The following CNTN4 variants were observed in gnomAD, a reference collection of about 807,000 sequenced individuals.
The protein encoded by CNTN4 is contactin-4.
Under a neutral mutation model 122.5 loss-of-function variants are expected in CNTN4, and 77 were observed. That is an observed-to-expected ratio of 0.63 (90% CI 0.52 to 0.76). CNTN4 has a LOEUF of 0.76. Among genes scored for constraint, CNTN4 ranks in the 30% least tolerant of loss-of-function variants. The pLI, the probability that CNTN4 is intolerant of heterozygous loss-of-function variation, is 0.00. For missense variants in CNTN4, 1,256 were observed against 1,259.1 expected, an observed-to-expected ratio of 1.00 and a Z score of 0.04; for synonymous variants, 512 against 447.0, an observed-to-expected ratio of 1.15 and a Z score of -1.83.
chr3:2,754,998 G>GGTGGTA (rs2090267960), intron 6 of CNTN4, among the ~76,000 whole-genome samples: 1 of 152,136 alleles, frequency 6.6e-6, no homozygotes, highest in Non-Finnish European at 1.5e-5. Context: ...TAATGATGGT[G>GGTGGTA]GTGGTAGTGG....
At chr3:2,482,756 C>T (rs992351173) in intron 3 of CNTN4, among the ~76,000 whole-genome samples, 1 of 152,224 alleles carries the variant, frequency 6.6e-6, no homozygotes, top group Admixed American at 6.5e-5. Flanking sequence ...AGGCAGCTTC[C>T]ACATGGTGTT....
At chr3:2,109,354 A>G (rs906245981) in intron 2 of CNTN4, among the ~76,000 whole-genome samples, 3 of 152,152 alleles carry the variant, frequency 2.0e-5, no homozygotes, top group Non-Finnish European at 4.4e-5. Flanking sequence ...TCACTACTCC[A>G]TTATTAATCA....
At chr3:2,906,601 G>A (rs188972433) in intron 12 of CNTN4, among the ~76,000 whole-genome samples, 2 of 152,060 alleles carry the variant, frequency 1.3e-5, no homozygotes, top group Admixed American at 6.5e-5. Context: ...ACTTTGGGAG[G>A]CCGAGGCAGG....
chr3:2,442,412 C>A (rs913981983), intron 3 of CNTN4, among the ~76,000 whole-genome samples: 10 of 151,996 alleles, frequency 6.6e-5, no homozygotes, highest in African/African-American at 2.4e-4. Flanking sequence ...GAAGAAAGTC[C>A]AGATCTTGGC....
At chr3:2,886,674 G>A (rs1358507079) in intron 9 of CNTN4, among the ~76,000 whole-genome samples, 1 of 151,518 alleles carries the variant, frequency 6.6e-6, no homozygotes, top group East Asian at 2.0e-4. Flanking sequence ...ACCATGCCCG[G>A]GTAATTTTTT....
chr3:2,620,504 AAT>A (rs201945554), intron 4 of CNTN4, among the ~76,000 whole-genome samples: 2 of 151,354 alleles, frequency 1.3e-5, no homozygotes, highest in Admixed American at 6.6e-5. Flanking sequence ...TGTATCCAAA[AAT>A]ATATATATAT....
intron 7 of CNTN4, among the ~76,000 whole-genome samples, chr3:2,854,073 G>A (rs933664623): frequency 1.3e-5 from 2 of 152,066 alleles, no homozygotes; most frequent in Non-Finnish European, 2.9e-5. Context: ...GCCAGTGATG[G>A]TCTTTTTTGT....
At chr3:2,328,305 C>T (rs1269067839) in intron 2 of CNTN4, among the ~76,000 whole-genome samples, 8 of 150,372 alleles carry the variant, frequency 5.3e-5, no homozygotes, top group African/African-American at 1.9e-4. Context: ...ACTCGGGAGG[C>T]TGAGGCAGGA....
At chr3:2,225,000 A>G (rs1441879301) in intron 2 of CNTN4, among the ~76,000 whole-genome samples, 1 of 151,498 alleles carries the variant, frequency 6.6e-6, no homozygotes, top group African/African-American at 2.4e-5. Context: ...AAATACAAAA[A>G]TTAGCCGGTT....
chr3:2,698,515 C>T (rs1005544929), intron 4 of CNTN4, among the ~76,000 whole-genome samples: 1 of 152,134 alleles, frequency 6.6e-6, no homozygotes, highest in Admixed American at 6.6e-5. Context: ...AAATAGGAAG[C>T]TGTTCTCTGT....
At chr3:2,727,879 A>G (rs1264735378) in intron 4 of CNTN4, among the ~76,000 whole-genome samples, 1 of 152,216 alleles carries the variant, frequency 6.6e-6, no homozygotes, top group African/African-American at 2.4e-5. Flanking sequence ...TGAGGGGTTA[A>G]AAGAAGGAAG....
At chr3:2,599,697 C>G (rs2080938885) in intron 4 of CNTN4, among the ~76,000 whole-genome samples, 2 of 152,084 alleles carry the variant, frequency 1.3e-5, no homozygotes, top group South Asian at 4.1e-4. Flanking sequence ...CAGAGAATCC[C>G]TAGCTAAACA....
At chr3:2,746,971 T>C (rs527717133) in intron 6 of CNTN4, among the ~76,000 whole-genome samples, 5 of 152,178 alleles carry the variant, frequency 3.3e-5, no homozygotes, top group Non-Finnish European at 7.3e-5. Flanking sequence ...AATTAATTTT[T>C]GGAAATAACC....
At chr3:2,912,856 T>C (rs1360072515) in intron 12 of CNTN4, among the ~76,000 whole-genome samples, 1 of 152,022 alleles carries the variant, frequency 6.6e-6, no homozygotes, top group African/African-American at 2.4e-5. Context: ...TTTTTAAAAA[T>C]AAAGGAAACA....
intron 2 of CNTN4, among the ~76,000 whole-genome samples, chr3:2,112,835 C>G (rs1463261483): frequency 6.6e-6 from 1 of 152,090 alleles, no homozygotes; most frequent in East Asian, 1.9e-4. Context: ...AGAGAGACCC[C>G]CATCCATTTA....
At chr3:2,922,607 G>A (rs1443585469) in intron 12 of CNTN4, among the ~76,000 whole-genome samples, 2 of 103,902 alleles carry the variant, frequency 1.9e-5, no homozygotes, top group Admixed American at 2.2e-4. Context: ...AAAAGAACTT[G>A]ATTTTTTTTT....
At chr3:2,276,887 G>C (rs2041529968) in intron 2 of CNTN4, among the ~76,000 whole-genome samples, 1 of 152,114 alleles carries the variant, frequency 6.6e-6, no homozygotes, top group South Asian at 2.1e-4. Flanking sequence ...CTGCACTCCA[G>C]CCTGGGCGAG....
At chr3:2,652,498 G>C (rs1156233539) in intron 4 of CNTN4, among the ~76,000 whole-genome samples, 1 of 152,180 alleles carries the variant, frequency 6.6e-6, no homozygotes, top group Non-Finnish European at 1.5e-5. Context: ...CTGCTGTGGG[G>C]CATGGCATTG....
At chr3:2,381,810 G>A (rs987421966) in intron 3 of CNTN4, among the ~76,000 whole-genome samples, 17 of 151,806 alleles carry the variant, frequency 1.1e-4, no homozygotes, top group African/African-American at 3.9e-4. Context: ...AATGTTTTTA[G>A]CTCATTGAAA....
Sources: gnomAD v4.1 joint callset for allele counts (sites outside exome capture counted in the v4.1 genomes callset) on GRCh38, gnomAD v4.1.1 for gene constraint, MANE v1.5 for transcripts, NCBI Gene and HGNC (gene_info 2026-07-23, HGNC 2026-07-21) for gene names.